SPATA13: variants seen among roughly 807,000 people sequenced by gnomAD.
The protein encoded by SPATA13 is spermatogenesis-associated protein 13.
SPATA13 carries 50 observed loss-of-function variants against 104.0 expected under a neutral mutation model. That is an observed-to-expected ratio of 0.48 (90% CI 0.38 to 0.61). SPATA13 has a LOEUF of 0.61. SPATA13 is among the 20% of genes least tolerant of loss of function. SPATA13 has a pLI of 0.00. For missense variants in SPATA13, 1,524 were observed against 1,690.6 expected (o/e 0.90, Z 1.73); for synonymous variants, 606 against 667.5 (o/e 0.91, Z 1.42).
chr13:24,028,390 TG>T (rs1429942697), intron 3 of SPATA13, among the ~76,000 whole-genome samples: 1 of 152,254 alleles, frequency 6.6e-6, no homozygotes, highest in African/African-American at 2.4e-5. Context: ...GAAACAGTTT[TG>T]CTGGGTACAT....
chr13:23,995,448 A>T (rs746893541), intron 2 of SPATA13, among the ~76,000 whole-genome samples: 1 of 152,224 alleles, frequency 6.6e-6, no homozygotes, highest in Non-Finnish European at 1.5e-5. Context: ...TATGCTGATA[A>T]CTTAAAATGA....
intron 1 of SPATA13, among the ~76,000 whole-genome samples, chr13:24,198,066 G>A (rs1870172431): frequency 1.3e-5 from 2 of 152,072 alleles, no homozygotes; most frequent in African/African-American, 2.4e-5. Flanking sequence ...CATGATCTCT[G>A]CTTACTGCAA....
intron 3 of SPATA13, chr13:24,122,670 G>A (rs1881074480): frequency 6.6e-6 from 7 of 1,067,022 alleles, no homozygotes; most frequent in Non-Finnish European, 1.0e-5. Context: ...CTTGGTGACA[G>A]ACAGAAGTGT....
In SPATA13 at chr13:24,284,194, G is replaced by A; in HGVS notation, c.2224G>A (p.Asp742Asn). The change falls in exon 5 of 13, where the codon GAC becomes AAC. Residue 742 changes from aspartate (D) to asparagine (N), a missense_variant. Asp to Asn is a conservative substitution (Grantham distance 23). This residue lies in a region of SPATA13 where 1,089 missense variants were observed against 1,135.9 expected (regional missense o/e 0.96). Transcript: ENST00000382108. ...AGTGGATGACAACGGTAGTGAGGAG[G>A]ACTTCAGCTATGAAGACCTCTGCCA... ...ALVDDNGSEE[D>N]FSYEDLCQAS... is the part of the protein sequence containing the mutation. 6.2e-7 allele frequency: 1 copy of A among 1,613,826 alleles called. No homozygotes were observed. Among genetic ancestry groups the A allele is most frequent in the Non-Finnish European group, 8.5e-7 (1 of 1,179,936 alleles).
rs1312484572 is a variant in SPATA13, at chr13:24,015,630, G to A, written c.-146-2037G>A. ...TGCCCACTCATGGGGCTTCTTTTCTGCTCATGGTTCATCCCAGAAGGTTTT... is the reference window on the plus strand; with the variant it reads ...TGCCCACTCATGGGGCTTCTTTTCTACTCATGGTTCATCCCAGAAGGTTTT... On this transcript the variant is annotated intron_variant, in intron 2 of 14. Transcript: ENST00000424834. Among the ~76,000 whole-genome samples, 4 of 152,148 alleles carry A rather than the reference G, an allele frequency of 2.6e-5. 1 individual carries two copies. In the East Asian group the frequency reaches 7.7e-4, roughly 29 times the overall value.
chr13:24,104,262 T>G (rs932753754), intron 3 of SPATA13, among the ~76,000 whole-genome samples: 4 of 151,334 alleles, frequency 2.6e-5, no homozygotes, highest in Non-Finnish European at 5.9e-5. Flanking sequence ...GTTTTTTGGG[T>G]TTTTTTGGAA....
intron 3 of SPATA13, among the ~76,000 whole-genome samples, chr13:24,049,458 G>T (rs1536199): frequency 6.6e-6 from 1 of 152,136 alleles, no homozygotes; most frequent in Admixed American, 6.5e-5. Flanking sequence ...GTGTGAGTAC[G>T]CTCCGTGTTG....
intron 1 of SPATA13, among the ~76,000 whole-genome samples, chr13:24,179,742 A>G (rs1868683039): frequency 6.6e-6 from 1 of 152,190 alleles, no homozygotes; most frequent in Non-Finnish European, 1.5e-5. Flanking sequence ...TTTGGATTTG[A>G]GTTGCATTTC....
At chr13:24,296,983 C>T (rs1011642182) in intron 10 of SPATA13, among the ~76,000 whole-genome samples, 1 of 152,022 alleles carries the variant, frequency 6.6e-6, no homozygotes, top group Non-Finnish European at 1.5e-5. Context: ...TATCCTAACA[C>T]CTGAAGGAAT....
chr13:24,123,900 T>C, intron 3 of SPATA13: 2 of 632,900 alleles, frequency 3.2e-6, no homozygotes, highest in Non-Finnish European at 5.6e-6. Flanking sequence ...CCAGAGATCA[T>C]TGTTAATTCC....
chr13:24,028,625 A>G (rs567436378), intron 3 of SPATA13, among the ~76,000 whole-genome samples: 1 of 152,322 alleles, frequency 6.6e-6, no homozygotes, highest in Non-Finnish European at 1.5e-5. Context: ...CTAATTCTGA[A>G]CATTGATAAC....
intron 1 of SPATA13, among the ~76,000 whole-genome samples, chr13:24,201,544 G>A (rs1331202080): frequency 3.3e-5 from 5 of 152,086 alleles, no homozygotes; most frequent in Admixed American, 6.5e-5. Context: ...AGGTTCAAGC[G>A]ATTCTCCTGC....
At chr13:24,073,089 G>A (rs1325108387) in intron 3 of SPATA13, among the ~76,000 whole-genome samples, 1 of 152,046 alleles carries the variant, frequency 6.6e-6, no homozygotes, top group Non-Finnish European at 1.5e-5. Flanking sequence ...TTAATCCAAG[G>A]CAATGGTGAG....
At chr13:24,158,932 G>A (rs917032599), upstream of SPATA13, among the ~76,000 whole-genome samples, 1 of 152,156 alleles carries the variant, frequency 6.6e-6, no homozygotes, top group East Asian at 1.9e-4. Flanking sequence ...GGCCAGGCCT[G>A]TTTCCCAAGG....
chr13:24,198,952 T>TTTC (rs1555268458), intron 1 of SPATA13, among the ~76,000 whole-genome samples: 1 of 23,342 alleles, frequency 4.3e-5, no homozygotes, highest in Non-Finnish European at 1.3e-4. Context: ...CTATAAAATC[T>TTTC]TTTTTTTTTT....
chr13:24,288,509 A>G (rs1876114570), intron 7 of SPATA13, among the ~76,000 whole-genome samples: 1 of 152,184 alleles, frequency 6.6e-6, no homozygotes, highest in Non-Finnish European at 1.5e-5. Context: ...GCCTCAGATT[A>G]AAGACCCACA....
At chr13:24,079,839 G>T (rs1879451218) in intron 3 of SPATA13, among the ~76,000 whole-genome samples, 1 of 151,866 alleles carries the variant, frequency 6.6e-6, no homozygotes, top group African/African-American at 2.4e-5. Flanking sequence ...TCACCTTTTG[G>T]GCCTTACTTG....
At chr13:24,201,206 C>T (rs1870382625) in intron 1 of SPATA13, among the ~76,000 whole-genome samples, 1 of 152,014 alleles carries the variant, frequency 6.6e-6, no homozygotes, top group Non-Finnish European at 1.5e-5. Flanking sequence ...AGCTGTGACC[C>T]CCTGTCATGT....
chr13:24,074,314 G>A (rs964682012), intron 3 of SPATA13, among the ~76,000 whole-genome samples: 3 of 152,168 alleles, frequency 2.0e-5, no homozygotes, highest in Admixed American at 1.3e-4. Flanking sequence ...ATTCATCCAC[G>A]TGGTAGCATG....
Sources: gnomAD v4.1 joint callset for allele counts (sites outside exome capture counted in the v4.1 genomes callset) on GRCh38, gnomAD v4.1.1 for gene constraint, gnomAD v4.1.1 regional missense constraint, MANE v1.5 for transcripts, NCBI Gene and HGNC (gene_info 2026-07-23, HGNC 2026-07-21) for gene names.